Variants in ADAMTSL1 observed in about 807,000 individuals in gnomAD.
The protein encoded by ADAMTSL1 is ADAMTS like 1.
In ADAMTSL1, 126 loss-of-function variants were observed where a neutral mutation model predicts 201.8. The observed-to-expected ratio is 0.62, with a 90% confidence interval of 0.54 to 0.72. ADAMTSL1 has a LOEUF of 0.72. ADAMTSL1 is among the 30% of genes least tolerant of loss of function. ADAMTSL1 has a pLI of 0.00. For synonymous variants in ADAMTSL1, 1,121 were observed against 903.4 expected, an observed-to-expected ratio of 1.24 and a Z score of -4.32; for missense variants, 2,679 against 2,277.8, an observed-to-expected ratio of 1.18 and a Z score of -3.59.
intron 1 of ADAMTSL1, among the ~76,000 whole-genome samples, chr9:17,917,686 A>G (rs544825963): frequency 6.6e-6 from 1 of 152,124 alleles, no homozygotes; most frequent in South Asian, 2.1e-4. Flanking sequence ...TATTAGAGCA[A>G]TGCCGGCTTC....
intron 3 of ADAMTSL1, among the ~76,000 whole-genome samples, chr9:18,568,091 G>C (rs13300518): frequency 0.3 from 44,841 of 151,986 alleles, 6,997 homozygotes; most frequent in Admixed American, 0.37. Context: ...GGGTGACTGT[G>C]TGTAACTAAA....
intron 7 of ADAMTSL1, among the ~76,000 whole-genome samples, chr9:18,642,458 T>C (rs1360719961): frequency 6.6e-6 from 1 of 152,024 alleles, no homozygotes; most frequent in Admixed American, 6.6e-5. Flanking sequence ...AATCTATCTC[T>C]TGGCAACTTT....
At chr9:18,260,312 T>G (rs1465925618) in intron 2 of ADAMTSL1, among the ~76,000 whole-genome samples, 1 of 152,254 alleles carries the variant, frequency 6.6e-6, no homozygotes, top group Non-Finnish European at 1.5e-5. Flanking sequence ...CAGTCTTCAA[T>G]GGCATGAAAA....
At chr9:18,749,728 C>G (rs1192863620) in intron 15 of ADAMTSL1, among the ~76,000 whole-genome samples, 1 of 151,862 alleles carries the variant, frequency 6.6e-6, no homozygotes, top group Non-Finnish European at 1.5e-5. Context: ...AGAGTCTCTG[C>G]TTTCCCTTCA....
chr9:18,566,663 C>T (rs1336003772), intron 3 of ADAMTSL1, among the ~76,000 whole-genome samples: 1 of 152,048 alleles, frequency 6.6e-6, no homozygotes, highest in African/African-American at 2.4e-5. Context: ...TAAGAGTGTT[C>T]CTGGAATGTC....
intron 1 of ADAMTSL1, among the ~76,000 whole-genome samples, chr9:18,024,567 C>T (rs1169977653): frequency 6.6e-6 from 1 of 152,048 alleles, no homozygotes; most frequent in African/African-American, 2.4e-5. Context: ...GCTCCCAGCA[C>T]CATCCATGTT....
At chr9:17,928,498 A>G (rs1452761866) in intron 1 of ADAMTSL1, among the ~76,000 whole-genome samples, 1 of 152,212 alleles carries the variant, frequency 6.6e-6, no homozygotes, top group East Asian at 1.9e-4. Context: ...AGAGCCAAGG[A>G]GGATTCTTGT....
At chr9:18,234,752 T>C (rs923591720) in intron 2 of ADAMTSL1, among the ~76,000 whole-genome samples, 1 of 152,232 alleles carries the variant, frequency 6.6e-6, no homozygotes, top group African/African-American at 2.4e-5. Context: ...CAGTAAATTA[T>C]AAAATGCCTC....
At chr9:18,237,737 A>G (rs1225166633) in intron 2 of ADAMTSL1, among the ~76,000 whole-genome samples, 1 of 152,236 alleles carries the variant, frequency 6.6e-6, no homozygotes, top group Non-Finnish European at 1.5e-5. Context: ...CTGTAACCTC[A>G]TTAAATTATC....
chr9:18,012,035 A>G (rs1460612772), intron 1 of ADAMTSL1, among the ~76,000 whole-genome samples: 4 of 152,026 alleles, frequency 2.6e-5, no homozygotes, highest in South Asian at 2.1e-4. Context: ...CCTTCAGAGT[A>G]AGAAGGTTCC....
chr9:18,403,289 T>C (rs751785444), intron 2 of ADAMTSL1, among the ~76,000 whole-genome samples: 7 of 152,132 alleles, frequency 4.6e-5, no homozygotes, highest in Non-Finnish European at 1.0e-4. Context: ...GTTTAAGTGA[T>C]TCTCTTGCCT....
At chr9:17,985,714 C>G (rs1040149542) in intron 1 of ADAMTSL1, among the ~76,000 whole-genome samples, 2 of 152,040 alleles carry the variant, frequency 1.3e-5, no homozygotes, top group South Asian at 2.1e-4. Context: ...GGGAAGCAAG[C>G]TTAGCAATCA....
chr9:17,946,216 C>T (rs1345677278), intron 1 of ADAMTSL1, among the ~76,000 whole-genome samples: 2 of 151,400 alleles, frequency 1.3e-5, no homozygotes, highest in South Asian at 2.1e-4. Context: ...CCAGGCTGGT[C>T]TCAAACTCCC....
chr9:17,996,820 T>C (rs111278941), intron 1 of ADAMTSL1, among the ~76,000 whole-genome samples: 57 of 152,290 alleles, frequency 3.7e-4, no homozygotes, highest in African/African-American at 1.3e-3. Context: ...AAATAATTGT[T>C]CAGTGTAAGC....
intron 2 of ADAMTSL1, among the ~76,000 whole-genome samples, chr9:18,453,166 A>T (rs184231022): frequency 1.1e-3 from 160 of 152,286 alleles, no homozygotes; most frequent in African/African-American, 3.6e-3. Flanking sequence ...TACCTTCCAG[A>T]GCAGTAGGAT....
chr9:18,804,356 T>C (rs367880480), intron 20 of ADAMTSL1, among the ~76,000 whole-genome samples: 111 of 152,290 alleles, frequency 7.3e-4, no homozygotes, highest in African/African-American at 2.6e-3. Context: ...TAAATAGAGC[T>C]GACTATTGGT....
intron 1 of ADAMTSL1, among the ~76,000 whole-genome samples, chr9:17,950,111 G>A (rs564877471): frequency 2.3e-4 from 35 of 151,992 alleles, no homozygotes; most frequent in East Asian, 5.8e-4. Flanking sequence ...GTAGAGATGG[G>A]GTTTTACCAT....
intron 2 of ADAMTSL1, among the ~76,000 whole-genome samples, chr9:18,413,761 T>A (rs2133326458): frequency 6.6e-6 from 1 of 152,300 alleles, no homozygotes; most frequent in East Asian, 1.9e-4. Context: ...GGTTGTAAAG[T>A]CTCTTTCCTC....
At chr9:18,635,270 G>A (rs951718013) in intron 5 of ADAMTSL1, among the ~76,000 whole-genome samples, 17 of 152,150 alleles carry the variant, frequency 1.1e-4, no homozygotes, top group African/African-American at 3.9e-4. Flanking sequence ...AAATGTCTGT[G>A]TCTAATGAAT....
Sources: gnomAD v4.1 joint callset for allele counts (sites outside exome capture counted in the v4.1 genomes callset) on GRCh38, gnomAD v4.1.1 for gene constraint, MANE v1.5 for transcripts, NCBI Gene and HGNC (gene_info 2026-07-23, HGNC 2026-07-21) for gene names.